Variants in MRGPRX3 observed in about 807,000 individuals in gnomAD.
MRGPRX3 encodes the protein MAS related GPR family member X3.
In MRGPRX3, 14 loss-of-function variants were observed where a neutral mutation model predicts 16.5. The observed-to-expected ratio is 0.85, with a 90% CI of 0.56 to 1.33. The LOEUF (loss-of-function observed/expected upper bound fraction) is 1.33. MRGPRX3 is among the 40% of genes most tolerant of loss of function. MRGPRX3 has a pLI of 0.00. For synonymous variants in MRGPRX3, 199 were observed against 180.1 expected (o/e 1.10, Z -0.84); for missense variants, 449 against 413.0 (o/e 1.09, Z -0.76).
chr11:18,128,854 C>T (rs575453548), upstream of MRGPRX3, among the ~76,000 whole-genome samples: 26 of 152,300 alleles, frequency 1.7e-4, no homozygotes, highest in South Asian at 2.1e-3. Context: ...AGAAATCATT[C>T]GTCAGATTCT....
At chr11:18,125,299 CT>C (rs1308681212) in intron 1 of MRGPRX3, among the ~76,000 whole-genome samples, 1 of 152,130 alleles carries the variant, frequency 6.6e-6, no homozygotes, top group African/African-American at 2.4e-5. Context: ...AATTTTAGAT[CT>C]TTCCTGCTTT....
At chr11:18,136,121 C>G (rs1590307770) in intron 1 of MRGPRX3, among the ~76,000 whole-genome samples, 1 of 152,286 alleles carries the variant, frequency 6.6e-6, no homozygotes. Flanking sequence ...TTTGCATCAA[C>G]AAAGAAACGC....
Position 18,137,174 on chromosome 11 carries a change from C to T in MRGPRX3, c.-25-4C>T. On this transcript the variant is annotated splice_polypyrimidine_tract_variant and splice_region_variant and intron_variant, in intron 1 of 1. Transcript: ENST00000621697. ...TGGTGATCACATCTGGTTTCTGTTT[C>T]CAGGGTCATCAGACTGGGGTTTCTG... The T allele has an allele frequency of 6.4e-7, 1 of 1,555,674 alleles. No individual in the cohort carries two copies.
chr11:18,121,311 C>A, intron 1 of MRGPRX3: 1 of 163,520 alleles, frequency 6.1e-6, no homozygotes, highest in Non-Finnish European at 1.3e-5. Flanking sequence ...GGCAGCCGCC[C>A]TGTCCGGGAG....
upstream of MRGPRX3, among the ~76,000 whole-genome samples, chr11:18,131,386 A>G (rs1178883736): frequency 6.6e-6 from 1 of 152,200 alleles, no homozygotes; most frequent in Non-Finnish European, 1.5e-5. Flanking sequence ...ACATGAATAG[A>G]CAATTCTCAA....
Position 18,138,282 on chromosome 11 carries a change from C to A in MRGPRX3, c.*111C>A, listed in dbSNP as rs2468838. ...TCTGCCTCAGAAATGTCTCAGTGGT[C>A]CCTCAAGGTCTTCGAATAGATGTTT... On this transcript the variant is annotated 3_prime_UTR_variant, in exon 2 of 2. Transcript: ENST00000621697. 2.5e-5 allele frequency: 37 copies of A among 1,488,746 alleles called. No individual in the cohort carries two copies. In the African/African-American group the frequency reaches 4.6e-4, roughly 19 times the overall value. The allele number at this position is 1,488,746 out of a possible 1,614,324, so 92.2% of individuals were successfully genotyped here. A position where few individuals can be genotyped will look rare whatever the true frequency, so the allele number is the denominator to read the frequency against.
rs7101486 is a variant in MRGPRX3, at chr11:18,135,085, C to T, written c.-25-2093C>T. On this transcript the variant is annotated intron_variant, in intron 1 of 1. Transcript: ENST00000621697. ...GGAGTCTCGTGCAGGACTCCAGGGA[C>T]CAGGGGCTGGTATTGGACCTGCTCT... Among the ~76,000 whole-genome samples the T allele has an allele frequency of 6.6e-3, 1,005 of 152,222 alleles. 8 individuals carry two copies. The highest frequency in any genetic ancestry group is 0.023 in the African/African-American group (940 of 41,544).
intron 1 of MRGPRX3, among the ~76,000 whole-genome samples, chr11:18,123,666 C>T (rs555854446): frequency 5.3e-5 from 8 of 152,122 alleles, no homozygotes; most frequent in Admixed American, 1.3e-4. Flanking sequence ...GACTTGGCAA[C>T]GCGGGCTCTT....
chr11:18,121,331 G>A (rs1848833094), intron 1 of MRGPRX3, among the ~76,000 whole-genome samples: 1 of 151,866 alleles, frequency 6.6e-6, no homozygotes, highest in Admixed American at 6.5e-5. Context: ...GGGAGGTGGG[G>A]GTCAGCCCCC....
intron 1 of MRGPRX3, among the ~76,000 whole-genome samples, chr11:18,135,128 A>G (rs1848996676): frequency 6.6e-6 from 1 of 152,198 alleles, no homozygotes; most frequent in South Asian, 2.1e-4. Flanking sequence ...GTGAACCAGG[A>G]AAACCCTTTA....
upstream of MRGPRX3, among the ~76,000 whole-genome samples, chr11:18,129,692 G>A (rs1289581102): frequency 6.6e-6 from 1 of 152,116 alleles, no homozygotes; most frequent in Non-Finnish European, 1.5e-5. Flanking sequence ...TGAAGCCAAT[G>A]TCACTTTAAT....
chr11:18,124,174 C>T (rs955883456), intron 1 of MRGPRX3, among the ~76,000 whole-genome samples: 6 of 152,158 alleles, frequency 3.9e-5, no homozygotes, highest in Non-Finnish European at 8.8e-5. Context: ...ATTGAATACC[C>T]TTTATTTCCT....
At chr11:18,121,893 A>G (rs1848842140) in intron 1 of MRGPRX3, among the ~76,000 whole-genome samples, 1 of 151,666 alleles carries the variant, frequency 6.6e-6, no homozygotes, top group Admixed American at 6.6e-5. Context: ...GCCTAGGAAA[A>G]CCAGAGACCT....
At chr11:18,135,849 A>G (rs1039284021) in intron 1 of MRGPRX3, among the ~76,000 whole-genome samples, 2 of 152,182 alleles carry the variant, frequency 1.3e-5, no homozygotes, top group African/African-American at 4.8e-5. Flanking sequence ...TATATAATAT[A>G]TAACCCCCCG....
chr11:18,126,696 G>T (rs1411855466), intron 1 of MRGPRX3, among the ~76,000 whole-genome samples: 1 of 151,804 alleles, frequency 6.6e-6, no homozygotes, highest in African/African-American at 2.4e-5. Context: ...CTGTGTCCAT[G>T]TGTTCTCATT....
chr11:18,126,796 C>T (rs536831769), intron 1 of MRGPRX3, among the ~76,000 whole-genome samples: 1 of 152,184 alleles, frequency 6.6e-6, no homozygotes, highest in Non-Finnish European at 1.5e-5. Flanking sequence ...CCAGCTTCAT[C>T]CATGTCCCTA....
chr11:18,124,003 G>A (rs1848866266), intron 1 of MRGPRX3, among the ~76,000 whole-genome samples: 1 of 152,136 alleles, frequency 6.6e-6, no homozygotes, highest in Admixed American at 6.5e-5. Flanking sequence ...TGTTATTGGT[G>A]TACAAGAATG....
In MRGPRX3 at chr11:18,137,604, C is replaced by A; in HGVS notation, c.402C>A (p.Arg134=). 1 of 1,614,158 alleles carries A rather than the reference C, an allele frequency of 6.2e-7. No individual in the cohort carries two copies. The highest frequency in any genetic ancestry group is 2.2e-5 in the East Asian group (1 of 44,886). ...GGCCCATCTGGTACCACTGCCGCCG[C>A]CCCAGATACCTGTCATCAGTCATGT... ...ILWPIWYHCR[R]PRYLSSVMCV... Residue 134 remains arginine (R), a synonymous_variant, in exon 2 of 2, where the codon CGC becomes CGA. Transcript: ENST00000621697.
chr11:18,137,789 T>C lies in MRGPRX3; in HGVS notation c.587T>C (p.Leu196Pro), dbSNP rs755799400. The change falls in exon 2 of 2, where the codon CTG (leucine) becomes CCG (proline). Residue 196 changes from leucine (L) to proline (P), a missense_variant. Transcript: ENST00000621697. ...TGTGTGGTTCTCTGTGGGTCCAGCC[T>C]GGTCCTGCTGGTCAGGATTCTCTGT... is the stretch of plus-strand genomic sequence containing the variant. ...FLCVVLCGSS[L>P]VLLVRILCGS... The C allele has an allele frequency of 6.2e-7, 1 of 1,614,202 alleles. No individual in the cohort carries two copies. The highest frequency in any genetic ancestry group is 8.5e-7 in the Non-Finnish European group (1 of 1,180,040).
Sources: allele counts gnomAD v4.1 joint callset (sites outside exome capture counted in the v4.1 genomes callset), GRCh38; gene constraint gnomAD v4.1.1; transcripts MANE v1.5; gene names NCBI Gene and HGNC (gene_info 2026-07-23, HGNC 2026-07-21).